The following LRP1B variants were observed in gnomAD, a reference collection of about 807,000 sequenced individuals.
LRP1B encodes the protein LDL receptor related protein 1B.
Under a neutral mutation model 556.6 loss-of-function variants are expected in LRP1B, and 217 were observed. The ratio of observed to expected loss-of-function variants is 0.39; its 90% CI spans 0.35 to 0.44. LRP1B has a LOEUF of 0.44. LRP1B is among the 20% of genes least tolerant of loss of function. LRP1B has a pLI of 1.00. For synonymous variants in LRP1B, 2,047 were observed against 1,865.8 expected (o/e 1.10, Z -2.50); for missense variants, 5,053 against 5,620.8 (o/e 0.90, Z 3.23).
At chr2:140,735,341 A>T (rs1687911993) in intron 35 of LRP1B, among the ~76,000 whole-genome samples, 1 of 152,202 alleles carries the variant, frequency 6.6e-6, no homozygotes, top group African/African-American at 2.4e-5. Flanking sequence ...CACTACAGAC[A>T]GATAATTTAA....
Position 140,650,307 on chromosome 2 carries a change from ATTTTTATTTATT to A in LRP1B, c.6800-48680_6800-48669del, listed in dbSNP as rs746130567. On this transcript the variant is annotated intron_variant, in intron 41 of 90. Coordinates refer to ENST00000389484, the MANE Select transcript of LRP1B (RefSeq NM_018557.3). Reference sequence around the variant, plus strand: ...AAGTTAGTTAAATCACTTTATTTTTATTTTTATTTATTTATTTATTTATTTATTTATTTATTT... The same window carrying A: ...AAGTTAGTTAAATCACTTTATTTTTATATTTATTTATTTATTTATTTATTT... 4.1e-3 allele frequency among the ~76,000 whole-genome samples: 573 copies of A among 139,132 alleles called. 5 individuals carry two copies. The highest frequency in any genetic ancestry group is 0.014 in the Middle Eastern group (4 of 276). The allele number at this position is 139,132 out of a possible 152,430, so 91.3% of individuals were successfully genotyped here.
At chr2:141,951,885 G>T (rs577355432) in intron 1 of LRP1B, among the ~76,000 whole-genome samples, 46 of 152,018 alleles carry the variant, frequency 3.0e-4, no homozygotes, top group Admixed American at 4.6e-4. Context: ...GGGTACATGT[G>T]TACAACGTGC....
intron 7 of LRP1B, among the ~76,000 whole-genome samples, chr2:141,077,571 T>G (rs1037644279): frequency 2.6e-5 from 4 of 152,212 alleles, no homozygotes; most frequent in Admixed American, 2.6e-4. Context: ...TATAGTCGGC[T>G]GCCTTTAAGT....
intron 1 of LRP1B, among the ~76,000 whole-genome samples, chr2:142,081,691 C>T (rs1226789931): frequency 1.3e-5 from 2 of 152,134 alleles, no homozygotes; most frequent in African/African-American, 2.4e-5. Context: ...GCTGTCCAGG[C>T]TGGTCTCAAA....
chr2:141,380,956 G>A (rs77306004), intron 3 of LRP1B, among the ~76,000 whole-genome samples: 1 of 152,176 alleles, frequency 6.6e-6, no homozygotes, highest in Non-Finnish European at 1.5e-5. Context: ...AAACCAATAT[G>A]TGAAGACCGG....
At chr2:141,153,351 T>A (rs1558896466) in intron 7 of LRP1B, among the ~76,000 whole-genome samples, 2 of 121,412 alleles carry the variant, frequency 1.6e-5, no homozygotes, top group African/African-American at 6.2e-5. Flanking sequence ...TATTATATAT[T>A]AGCTATATAT....
chr2:140,685,950 G>A (rs1236453140), intron 41 of LRP1B, among the ~76,000 whole-genome samples: 1 of 152,060 alleles, frequency 6.6e-6, no homozygotes, highest in Non-Finnish European at 1.5e-5. Flanking sequence ...AGTTCTGAAC[G>A]GTTTTAAAAG....
At chr2:142,126,087 G>C (rs1171076053) in intron 1 of LRP1B, among the ~76,000 whole-genome samples, 1 of 151,730 alleles carries the variant, frequency 6.6e-6, no homozygotes, top group Non-Finnish European at 1.5e-5. Flanking sequence ...TAAATGTATT[G>C]CTTCAAATTA....
chr2:141,149,325 C>T (rs571467740), intron 7 of LRP1B, among the ~76,000 whole-genome samples: 1 of 151,942 alleles, frequency 6.6e-6, no homozygotes, highest in East Asian at 1.9e-4. Flanking sequence ...CCTATGAGAT[C>T]TAAATTTCTC....
At chr2:141,148,479 T>C (rs1349274874) in intron 7 of LRP1B, among the ~76,000 whole-genome samples, 1 of 152,164 alleles carries the variant, frequency 6.6e-6, no homozygotes, top group Admixed American at 6.5e-5. Flanking sequence ...AGAGAATATA[T>C]ACTGTTTCTT....
chr2:141,277,072 C>T (rs926884495), intron 3 of LRP1B, among the ~76,000 whole-genome samples: 7 of 152,134 alleles, frequency 4.6e-5, no homozygotes, highest in African/African-American at 1.7e-4. Context: ...CATGTCTTTG[C>T]TATTATGAAT....
intron 2 of LRP1B, among the ~76,000 whole-genome samples, chr2:141,592,442 C>T (rs1170114556): frequency 6.6e-6 from 1 of 152,064 alleles, no homozygotes; most frequent in Non-Finnish European, 1.5e-5. Context: ...TATGAGGGCA[C>T]TAATCCCATT....
chr2:140,565,499 A>G (rs529764657), intron 43 of LRP1B, among the ~76,000 whole-genome samples: 1 of 152,202 alleles, frequency 6.6e-6, no homozygotes, highest in Admixed American at 6.5e-5. Flanking sequence ...ACTTATTTAC[A>G]TTTTTTGTTT....
At chr2:140,315,790 C>T (rs928414073) in intron 82 of LRP1B, among the ~76,000 whole-genome samples, 6 of 152,010 alleles carry the variant, frequency 3.9e-5, no homozygotes, top group South Asian at 2.1e-4. Flanking sequence ...ATAGCCTATG[C>T]GTGTGTGAAT....
intron 2 of LRP1B, among the ~76,000 whole-genome samples, chr2:141,587,539 T>A (rs898200304): frequency 2.0e-5 from 3 of 152,190 alleles, no homozygotes; most frequent in African/African-American, 7.2e-5. Flanking sequence ...TAAATATCAA[T>A]ATCCTTTCCC....
chr2:141,925,538 T>G (rs1371148127), intron 1 of LRP1B, among the ~76,000 whole-genome samples: 2 of 152,202 alleles, frequency 1.3e-5, no homozygotes, highest in African/African-American at 2.4e-5. Context: ...AGAAGATTGT[T>G]ACAATTTGCA....
chr2:141,795,787 T>A lies in LRP1B; in HGVS notation c.205+14492A>T, dbSNP rs564330723. Among the ~76,000 whole-genome samples the A allele has an allele frequency of 1.5e-3, 213 of 145,990 alleles. 1 individual carries two copies. Among genetic ancestry groups the A allele is most frequent in the Non-Finnish European group, 2.6e-3 (175 of 67,050 alleles). On this transcript the variant is annotated intron_variant, in intron 2 of 90. Transcript: ENST00000389484. ...GTATGCAGGCTGAACCAGTTTTAAT[T>A]CATTGCATCTAAAAGTGCCCAGTAA...
At chr2:141,293,786 G>A (rs1686075525) in intron 3 of LRP1B, among the ~76,000 whole-genome samples, 6 of 151,812 alleles carry the variant, frequency 4.0e-5, no homozygotes, top group Admixed American at 3.9e-4. Flanking sequence ...ATCAATCTAA[G>A]AATTTTTCTA....
intron 49 of LRP1B, 130 bp downstream of exon 49, chr2:140,525,714 G>C: frequency 1.3e-6 from 1 of 761,648 alleles, no homozygotes; most frequent in East Asian, 2.7e-5. Context: ...TTACATTTCA[G>C]TCTGTGCCAT....
Sources: gnomAD v4.1 joint callset for allele counts (sites outside exome capture counted in the v4.1 genomes callset) on GRCh38, gnomAD v4.1.1 for gene constraint, MANE v1.5 for transcripts, NCBI Gene and HGNC (gene_info 2026-07-23, HGNC 2026-07-21) for gene names.